The following FAT3 variants were observed in gnomAD, a reference collection of about 807,000 sequenced individuals.
FAT3 encodes protocadherin Fat 3.
FAT3 carries 95 observed loss-of-function variants against 310.2 expected under a neutral mutation model. That is an observed-to-expected ratio of 0.31 (90% CI 0.26 to 0.36). The LOEUF (loss-of-function observed/expected upper bound fraction) is 0.36. Ranked by LOEUF, FAT3 falls within the 10% of genes least tolerant of loss-of-function variation. The probability of loss-of-function intolerance (pLI) is 1.00; values close to 1 mark genes in which losing one functional copy is unlikely to be tolerated. For missense variants in FAT3, 5,408 were observed against 5,715.6 expected (o/e 0.95, Z 1.74); for synonymous variants, 2,314 against 2,192.9 (o/e 1.06, Z -1.54).
intron 4 of FAT3, 28 bp from the exon 5 acceptor site, chr11:92,761,828 T>G: frequency 6.3e-7 from 1 of 1,593,502 alleles, no homozygotes; most frequent in African/African-American, 1.3e-5. Flanking sequence ...TTTTCTCCTT[T>G]CTGATCACAT....
intron 1 of FAT3, among the ~76,000 whole-genome samples, chr11:92,243,763 C>A (rs1864767698): frequency 6.6e-6 from 1 of 152,004 alleles, no homozygotes; most frequent in South Asian, 2.1e-4. Flanking sequence ...GAGTTTGAAC[C>A]ATAAGCCAAG....
At chr11:92,583,345 AG>A (rs1174186352) in intron 3 of FAT3, among the ~76,000 whole-genome samples, 2 of 152,028 alleles carry the variant, frequency 1.3e-5, no homozygotes, top group Non-Finnish European at 2.9e-5. Context: ...TGTTGGGTTA[AG>A]GCAGGGATTT....
At chr11:92,373,341 A>G (rs952188641) in intron 2 of FAT3, among the ~76,000 whole-genome samples, 9 of 152,172 alleles carry the variant, frequency 5.9e-5, no homozygotes, top group African/African-American at 2.2e-4. Context: ...ACTGAAATTT[A>G]GAGAAATGAA....
intron 2 of FAT3, among the ~76,000 whole-genome samples, chr11:92,412,746 A>ACACACACACATATATATATAT (rs1591252852): frequency 5.5e-5 from 1 of 18,080 alleles, no homozygotes; most frequent in African/African-American, 2.0e-4. Flanking sequence ...TATATATATA[A>ACACACACACATATATATATAT]ATATACATAC....
rs544949802 is a variant in FAT3, at chr11:92,831,910, C to T, written c.9770C>T (p.Ala3257Val). Reference protein sequence around the residue: ...EDTSPGTQVLAVFATSKDIGT... With the variant: ...EDTSPGTQVLVVFATSKDIGT... The stretch of plus-strand genomic sequence containing the variant: ...ACCTCCCCTGGCACCCAAGTCCTTG[C>T]TGTTTTTGCCACCAGCAAAGATATT... The change falls in exon 14 of 28, where the codon GCT becomes GTT. Residue 3257 changes from alanine to valine, a missense_variant. Ala to Val is a moderately conservative substitution (Grantham distance 64). This residue lies in a region of FAT3 where 4,588 missense variants were observed against 4,809.8 expected (regional missense o/e 0.95). Coordinates refer to ENST00000525166, the MANE Select transcript of FAT3 (RefSeq NM_001367949.2). The T allele has an allele frequency of 3.7e-6, 6 of 1,610,462 alleles. No individual in the cohort carries two copies. Among genetic ancestry groups the T allele is most frequent in the Non-Finnish European group, 8.5e-7 (1 of 1,178,358 alleles).
At chr11:92,605,279 T>C (rs1463473861) in intron 3 of FAT3, among the ~76,000 whole-genome samples, 2 of 152,190 alleles carry the variant, frequency 1.3e-5, no homozygotes, top group East Asian at 1.9e-4. Context: ...ATTGAGGCTA[T>C]AAATGGGCAG....
chr11:92,298,577 T>C (rs867778361), intron 1 of FAT3, among the ~76,000 whole-genome samples: 1 of 152,156 alleles, frequency 6.6e-6, no homozygotes, highest in South Asian at 2.1e-4. Context: ...TTTGTTGAAG[T>C]CTCATGCTTT....
chr11:92,620,234 CT>C (rs1236383755), intron 3 of FAT3, among the ~76,000 whole-genome samples: 1 of 152,096 alleles, frequency 6.6e-6, no homozygotes, highest in Admixed American at 6.5e-5. Context: ...TAATTCCAAT[CT>C]TTTTAAATTT....
intron 2 of FAT3, among the ~76,000 whole-genome samples, chr11:92,406,949 A>T (rs1333757421): frequency 5.3e-5 from 8 of 152,164 alleles, no homozygotes. Context: ...TTTTATCATG[A>T]TACTGTCAAG....
intron 1 of FAT3, among the ~76,000 whole-genome samples, chr11:92,239,299 G>A (rs1864568777): frequency 6.6e-6 from 1 of 152,066 alleles, no homozygotes; most frequent in Admixed American, 6.6e-5. Context: ...TGATCCTATA[G>A]TGATCCTGGA....
chr11:92,597,592 T>A (rs1236979868), intron 3 of FAT3, among the ~76,000 whole-genome samples: 1 of 152,170 alleles, frequency 6.6e-6, no homozygotes, highest in Non-Finnish European at 1.5e-5. Context: ...ATTCCTTGCC[T>A]CCCTGGGAGG....
At chr11:92,285,927 C>T (rs777027480) in intron 1 of FAT3, among the ~76,000 whole-genome samples, 3 of 152,060 alleles carry the variant, frequency 2.0e-5, no homozygotes, top group Admixed American at 6.6e-5. Context: ...TCCTCCAGGA[C>T]GTGGGGTGTG....
At position 92,383,147 on chromosome 11, in the gene FAT3, G is replaced by T. The variant is rs1163392668; in HGVS notation, c.3292+27743G>T. 2.0e-5 allele frequency among the ~76,000 whole-genome samples: 3 copies of T among 152,142 alleles called. No individual in the cohort carries two copies. The East Asian group carries it at 5.8e-4, about 29-fold the overall frequency. On this transcript the variant is annotated intron_variant, in intron 2 of 27. Coordinates refer to ENST00000525166, the MANE Select transcript of FAT3 (RefSeq NM_001367949.2). ...GATAATGGCTTCTAACTCCATTGATGTCCCTGCACAGGACATGATCTCGTT... is the reference window on the plus strand; with the variant it reads ...GATAATGGCTTCTAACTCCATTGATTTCCCTGCACAGGACATGATCTCGTT...
intron 3 of FAT3, among the ~76,000 whole-genome samples, chr11:92,629,745 G>C (rs879778701): frequency 6.6e-6 from 1 of 152,010 alleles, no homozygotes; most frequent in Non-Finnish European, 1.5e-5. Flanking sequence ...CTATAAATAT[G>C]CCTGTCTCTC....
chr11:92,443,523 A>C (rs571012041), intron 2 of FAT3, among the ~76,000 whole-genome samples: 5 of 152,224 alleles, frequency 3.3e-5, no homozygotes, highest in Admixed American at 2.6e-4. Flanking sequence ...GTTAAACACC[A>C]AAGATGAATA....
In FAT3 at chr11:92,628,754, T is replaced by C. The variant is rs567953458; in HGVS notation, c.3608-68630T>C. ...CTTCCCATTTAGCCCCAGACAGGTT[T>C]GTAATATCATTCACAGTTGCTGTGG... On this transcript the variant is annotated intron_variant, in intron 3 of 27. Transcript: ENST00000525166. 2.0e-5 allele frequency among the ~76,000 whole-genome samples: 3 copies of C among 152,362 alleles called. No homozygotes were observed. In the South Asian group the frequency reaches 6.2e-4, roughly 32 times the overall value.
At chr11:92,420,602 G>A (rs2134975869) in intron 2 of FAT3, among the ~76,000 whole-genome samples, 1 of 152,204 alleles carries the variant, frequency 6.6e-6, no homozygotes, top group East Asian at 1.9e-4. Context: ...GGGGTTAAGA[G>A]TAGAGAGAAC....
At chr11:92,868,286 G>A (rs1459467742) in intron 22 of FAT3, among the ~76,000 whole-genome samples, 3 of 152,102 alleles carry the variant, frequency 2.0e-5, no homozygotes, top group African/African-American at 4.8e-5. Context: ...ATGCACTATC[G>A]AAATACAGAC....
intron 13 of FAT3, among the ~76,000 whole-genome samples, chr11:92,814,336 T>G (rs1419903113): frequency 6.6e-6 from 1 of 152,232 alleles, no homozygotes; most frequent in Non-Finnish European, 1.5e-5. Context: ...TTAAAATATA[T>G]TATTGCTTTT....
Sources: allele counts gnomAD v4.1 joint callset (sites outside exome capture counted in the v4.1 genomes callset), GRCh38; gene constraint gnomAD v4.1.1; regional missense constraint gnomAD v4.1.1; transcripts MANE v1.5; gene names NCBI Gene and HGNC (gene_info 2026-07-23, HGNC 2026-07-21).